Variants in TRMT11 observed in about 807,000 individuals in gnomAD.
TRMT11 encodes the protein tRNA methyltransferase 11.
In TRMT11, 53 loss-of-function variants were observed where a neutral mutation model predicts 62.8. That is an observed-to-expected ratio of 0.84 (90% CI 0.68 to 1.06). The LOEUF is 1.06. TRMT11 is among the 50% of genes least tolerant of loss of function. The probability of loss-of-function intolerance (pLI) is 0.00; values close to 1 mark genes in which losing one functional copy is unlikely to be tolerated. For synonymous variants in TRMT11, 188 were observed against 190.3 expected (o/e 0.99, Z 0.10); for missense variants, 556 against 553.4 (o/e 1.00, Z -0.05).
Position 126,096,809 on chromosome 6 carries a change from C to G in TRMT11, c.*1438-16057C>G, listed in dbSNP as rs557007371. Among the ~76,000 whole-genome samples, 260 of 152,292 alleles carry G rather than the reference C, an allele frequency of 1.7e-3. 1 individual carries two copies. Among genetic ancestry groups the G allele is most frequent in the African/African-American group, 5.7e-3 (235 of 41,566 alleles). On this transcript the variant is annotated intron_variant and NMD_transcript_variant, in intron 17 of 22. Transcript: ENST00000648977. ...GCTTGTACCAGGAATCTGTCTCTTG[C>G]TAATATTTTGTATTATCTATTAATA...
intron 17 of TRMT11, among the ~76,000 whole-genome samples, chr6:126,107,448 C>T (rs1024187993): frequency 6.6e-6 from 1 of 152,098 alleles, no homozygotes; most frequent in Non-Finnish European, 1.5e-5. Context: ...ACTATTTACC[C>T]CTTAAATATG....
At chr6:126,271,363 C>CAAAAAAAAAAAA in the TRMT11 span, among the ~76,000 whole-genome samples, 14 of 36,274 alleles carry the variant, frequency 3.9e-4, no homozygotes, top group African/African-American at 1.4e-3. Context: ...GACTCCATCT[C>CAAAAAAAAAAAA]AAAAAAAAAA....
At chr6:126,114,570 C>T (rs1777567094) in intron 18 of TRMT11, among the ~76,000 whole-genome samples, 1 of 152,048 alleles carries the variant, frequency 6.6e-6, no homozygotes, top group Admixed American at 6.6e-5. Context: ...AGTGCCTTTC[C>T]CGCAGGGGGA....
chr6:126,197,370 A>G (rs1287234558), intron 1 of TRMT11, among the ~76,000 whole-genome samples: 2 of 152,234 alleles, frequency 1.3e-5, no homozygotes, highest in Non-Finnish European at 1.5e-5. Flanking sequence ...TGAAACAAAT[A>G]TAAGTGAATT....
intron 1 of TRMT11, among the ~76,000 whole-genome samples, chr6:126,181,601 G>T (rs1033981877): frequency 1.3e-5 from 2 of 152,186 alleles, no homozygotes; most frequent in African/African-American, 4.8e-5. Flanking sequence ...AATGTAAATT[G>T]CCCAAGGTGA....
At chr6:126,260,381 C>G in the TRMT11 span, among the ~76,000 whole-genome samples, 1 of 152,118 alleles carries the variant, frequency 6.6e-6, no homozygotes, top group Non-Finnish European at 1.5e-5. Flanking sequence ...ATTATATGTT[C>G]CCTAGCCACT....
chr6:126,203,919 TTGTGTGTG>T (rs71680476), downstream of TRMT11, among the ~76,000 whole-genome samples: 2 of 144,386 alleles, frequency 1.4e-5, no homozygotes, highest in Non-Finnish European at 3.1e-5. Context: ...GATCATCATT[TTGTGTGTG>T]TGTGTGTGTG....
intron 17 of TRMT11, among the ~76,000 whole-genome samples, chr6:126,107,886 T>G (rs1777482389): frequency 6.6e-6 from 1 of 152,178 alleles, no homozygotes; most frequent in African/African-American, 2.4e-5. Flanking sequence ...CAATTTATAG[T>G]GCTCACTGGC....
At chr6:126,012,678 AG>A (rs1794388111) in intron 9 of TRMT11, 92 bp from the exon 10 acceptor site, 2 of 824,606 alleles carry the variant, frequency 2.4e-6, no homozygotes, top group Non-Finnish European at 4.0e-6. Flanking sequence ...TGTTCTTCTC[AG>A]GGTGTCACAT....
chr6:126,094,543 C>T (rs749319713), intron 17 of TRMT11, among the ~76,000 whole-genome samples: 9 of 152,172 alleles, frequency 5.9e-5, no homozygotes, highest in Non-Finnish European at 1.2e-4. Flanking sequence ...AGACTTTCTG[C>T]CCAAACCTTA....
intron 12 of TRMT11, among the ~76,000 whole-genome samples, chr6:126,034,922 A>G (rs997199951): frequency 6.6e-6 from 1 of 152,060 alleles, no homozygotes; most frequent in Non-Finnish European, 1.5e-5. Flanking sequence ...ACGCGCAGGG[A>G]ATGTGAATAG....
At chr6:125,996,983 A>G (rs1231766403) in intron 3 of TRMT11, among the ~76,000 whole-genome samples, 1 of 152,216 alleles carries the variant, frequency 6.6e-6, no homozygotes, top group Non-Finnish European at 1.5e-5. Context: ...GAAAACAGAA[A>G]CATAACTTTT....
chr6:126,239,103 G>A, the TRMT11 span, among the ~76,000 whole-genome samples: 1 of 152,188 alleles, frequency 6.6e-6, no homozygotes, highest in East Asian at 1.9e-4. Flanking sequence ...GCCTATGTGT[G>A]TCTCTGCATG....
intron 1 of TRMT11, among the ~76,000 whole-genome samples, chr6:125,990,277 A>C (rs1790385318): frequency 6.6e-6 from 1 of 152,160 alleles, no homozygotes; most frequent in Admixed American, 6.5e-5. Context: ...CATCCTCTTC[A>C]AGAAGATAGG....
intron 1 of TRMT11, among the ~76,000 whole-genome samples, chr6:125,990,309 T>A (rs1339577716): frequency 3.3e-5 from 5 of 152,198 alleles, no homozygotes; most frequent in African/African-American, 1.2e-4. Context: ...GCATGAGGAA[T>A]CTAGGTTGGG....
At chr6:126,256,003 C>T in the TRMT11 span, among the ~76,000 whole-genome samples, 2 of 152,238 alleles carry the variant, frequency 1.3e-5, no homozygotes, top group Non-Finnish European at 2.9e-5. Context: ...TCTGTGATGT[C>T]TCATGAGGTT....
At chr6:126,231,912 A>G in the TRMT11 span, among the ~76,000 whole-genome samples, 1 of 152,210 alleles carries the variant, frequency 6.6e-6, no homozygotes, top group Non-Finnish European at 1.5e-5. Flanking sequence ...TTTGCCTCCC[A>G]GTTCTTTATC....
At chr6:126,245,784 T>G in the TRMT11 span, among the ~76,000 whole-genome samples, 1 of 152,158 alleles carries the variant, frequency 6.6e-6, no homozygotes, top group African/African-American at 2.4e-5. Flanking sequence ...TAGTGAAGTT[T>G]GAATATACTG....
chr6:126,168,226 GT>G (rs1778290428), intron 21 of TRMT11, among the ~76,000 whole-genome samples: 1 of 152,204 alleles, frequency 6.6e-6, no homozygotes, highest in African/African-American at 2.4e-5. Flanking sequence ...TAGAAAAGCT[GT>G]GTAGTCAGAA....
Sources: allele counts gnomAD v4.1 joint callset (sites outside exome capture counted in the v4.1 genomes callset), GRCh38; gene constraint gnomAD v4.1.1; transcripts MANE v1.5; gene names NCBI Gene and HGNC (gene_info 2026-07-23, HGNC 2026-07-21).